Variants in TTC28 observed in about 807,000 individuals in gnomAD.
TTC28 encodes the protein tetratricopeptide repeat protein 28.
A neutral mutation model predicts 198.0 loss-of-function variants in TTC28; 61 were observed. The ratio of observed to expected loss-of-function variants is 0.31; its 90% CI spans 0.25 to 0.38. The LOEUF is 0.38. Among genes scored for constraint, TTC28 ranks in the 10% least tolerant of loss-of-function variants. The probability of loss-of-function intolerance (pLI) is 1.00; values close to 1 mark genes in which losing one functional copy is unlikely to be tolerated. For synonymous variants in TTC28, 1,171 were observed against 1,297.8 expected, an observed-to-expected ratio of 0.90 and a Z score of 2.10; for missense variants, 2,678 against 3,164.0, an observed-to-expected ratio of 0.85 and a Z score of 3.69.
At chr22:28,007,733 A>G (rs1477413304) in intron 14 of TTC28, 1 of 152,180 alleles carries the variant, frequency 6.6e-6, no homozygotes, top group African/African-American at 2.4e-5. Context: ...CTTGTTGAAC[A>G]CCAGCTAGAA....
chr22:28,606,111 T>A (rs1472190866), intron 2 of TTC28, among the ~76,000 whole-genome samples: 1 of 151,030 alleles, frequency 6.6e-6, no homozygotes, highest in African/African-American at 2.4e-5. Flanking sequence ...TGAGACGATA[T>A]CTCTCCCTGT....
rs2145734373 is a variant in TTC28, at chr22:28,280,922, GT to G, written c.933+15275del. 1.3e-5 allele frequency among the ~76,000 whole-genome samples: 2 copies of G among 151,920 alleles called. 1 individual carries two copies. Among genetic ancestry groups the G allele is most frequent in the South Asian group, 4.2e-4 (2 of 4,816 alleles). The stretch of plus-strand genomic sequence containing the variant: ...AGCACGCTGAAGATTTTCTCCCACT[GT>G]CTTCTGGTCTCCATTATTTCTGATA... On this transcript the variant is annotated intron_variant, in intron 5 of 22. Coordinates refer to ENST00000397906, the MANE Select transcript of TTC28 (RefSeq NM_001145418.2).
chr22:28,457,144 C>T lies in TTC28; in HGVS notation c.382-150501G>A, dbSNP rs184211585. ...TCACAGCACTCTATTCAGAACACCA[C>T]GGCCCTTGCAGTGTCTTGTTTGGAT... On this transcript the variant is annotated intron_variant, in intron 2 of 22. Coordinates refer to ENST00000397906, the MANE Select transcript of TTC28 (RefSeq NM_001145418.2). Among the ~76,000 whole-genome samples, 562 of 152,316 alleles carry T rather than the reference C, an allele frequency of 3.7e-3. 4 individuals are homozygous for T. The highest frequency in any genetic ancestry group is 0.012 in the African/African-American group (487 of 41,568).
intron 2 of TTC28, among the ~76,000 whole-genome samples, chr22:28,535,372 GGTAACCACA>G (rs1469800468): frequency 6.6e-6 from 1 of 152,116 alleles, no homozygotes; most frequent in East Asian, 1.9e-4. Context: ...TTCCTCCAAA[GGTAACCACA>G]GCACAGATTC....
chr22:28,469,385 C>A (rs916636203), intron 2 of TTC28, among the ~76,000 whole-genome samples: 1 of 152,010 alleles, frequency 6.6e-6, no homozygotes, highest in African/African-American at 2.4e-5. Flanking sequence ...AATAACAGCC[C>A]CCGAAGATAT....
intron 6 of TTC28, among the ~76,000 whole-genome samples, chr22:28,119,953 C>G (rs1279387847): frequency 6.6e-6 from 1 of 152,136 alleles, no homozygotes; most frequent in Non-Finnish European, 1.5e-5. Context: ...ACTGACTGAT[C>G]CTCCTCACCA....
At chr22:28,379,343 C>T (rs1461638635) in intron 2 of TTC28, among the ~76,000 whole-genome samples, 1 of 152,080 alleles carries the variant, frequency 6.6e-6, no homozygotes, top group Admixed American at 6.6e-5. Context: ...TCAAAGCTGC[C>T]TTATTCACAA....
At chr22:28,018,279 ATG>A (rs1222506396) in intron 13 of TTC28, among the ~76,000 whole-genome samples, 4 of 65,478 alleles carry the variant, frequency 6.1e-5, no homozygotes, top group Non-Finnish European at 1.1e-4. Flanking sequence ...GTGTGTGTGT[ATG>A]TGTGTGCGCG....
chr22:28,136,593 C>G (rs1009879967), intron 6 of TTC28, among the ~76,000 whole-genome samples: 7 of 152,188 alleles, frequency 4.6e-5, no homozygotes, highest in African/African-American at 1.7e-4. Context: ...AATCTAACTT[C>G]TCAAATAAGC....
At chr22:28,443,718 G>T (rs561233364) in intron 2 of TTC28, among the ~76,000 whole-genome samples, 1 of 152,172 alleles carries the variant, frequency 6.6e-6, no homozygotes, top group South Asian at 2.1e-4. Flanking sequence ...CAGAGCAAAC[G>T]GTTTCTGGGT....
chr22:28,545,165 G>A (rs1253693523), intron 2 of TTC28, among the ~76,000 whole-genome samples: 3 of 152,236 alleles, frequency 2.0e-5, no homozygotes, highest in East Asian at 3.9e-4. Flanking sequence ...TTCTCCTGAA[G>A]GTCAGGAACA....
intron 6 of TTC28, among the ~76,000 whole-genome samples, chr22:28,123,773 A>T (rs1483528044): frequency 6.6e-6 from 1 of 151,922 alleles, no homozygotes; most frequent in African/African-American, 2.4e-5. Context: ...GCTTGAGCTC[A>T]GGAGTTTGAG....
rs748350110 is a variant in TTC28 at position 28,107,111 on chromosome 22, G to C, written c.2734C>G (p.Arg912Gly). The change falls in exon 7 of 23, where the codon CGC (arginine) becomes GGC (glycine). Residue 912 changes from arginine to glycine, a missense_variant. Arg to Gly is a moderately radical substitution (Grantham distance 125). Coordinates refer to ENST00000397906, the MANE Select transcript of TTC28 (RefSeq NM_001145418.2). Reference protein sequence around the residue: ...QYLSVAQSLNRMQDQAKAYRG... With the variant: ...QYLSVAQSLNGMQDQAKAYRG... ...TAAGCCTTGGCTTGGTCTTGCATGC[G>C]ATTCAGACTCTGCGCGACAGATAAA... The C allele has an allele frequency of 5.2e-6, 8 of 1,551,504 alleles. No homozygotes were observed. The Admixed American group carries it at 7.8e-5, about 15-fold the overall frequency.
intron 5 of TTC28, among the ~76,000 whole-genome samples, chr22:28,282,873 G>A (rs760685960): frequency 5.3e-5 from 8 of 152,154 alleles, no homozygotes; most frequent in Non-Finnish European, 1.2e-4. Flanking sequence ...GCTGAGGGCA[G>A]AATGATTTGC....
At chr22:28,165,789 G>C (rs1330964010) in intron 5 of TTC28, among the ~76,000 whole-genome samples, 1 of 152,146 alleles carries the variant, frequency 6.6e-6, no homozygotes, top group Non-Finnish European at 1.5e-5. Context: ...AAAATAACCA[G>C]CTAGCATCAT....
chr22:28,091,756 A>G (rs1424567785), intron 12 of TTC28, among the ~76,000 whole-genome samples: 1 of 152,250 alleles, frequency 6.6e-6, no homozygotes, highest in Non-Finnish European at 1.5e-5. Flanking sequence ...ATCCTGATGA[A>G]TAAGGCAGAC....
intron 6 of TTC28, among the ~76,000 whole-genome samples, chr22:28,123,573 C>A (rs1281022415): frequency 1.3e-5 from 2 of 152,174 alleles, no homozygotes; most frequent in East Asian, 3.9e-4. Context: ...TGTATCAGTT[C>A]TTCTCAATTC....
intron 2 of TTC28, among the ~76,000 whole-genome samples, chr22:28,566,103 CT>C (rs1488937142): frequency 6.6e-6 from 1 of 150,914 alleles, no homozygotes; most frequent in Non-Finnish European, 1.5e-5. Flanking sequence ...GTCAATACCC[CT>C]GCTTTTGTAT....
At chr22:28,130,889 CT>C (rs1318962920) in intron 6 of TTC28, among the ~76,000 whole-genome samples, 1 of 152,154 alleles carries the variant, frequency 6.6e-6, no homozygotes, top group Non-Finnish European at 1.5e-5. Context: ...AGTTTAGATA[CT>C]TTTTTCCCAA....
Sources: gnomAD v4.1 joint callset for allele counts (sites outside exome capture counted in the v4.1 genomes callset) on GRCh38, gnomAD v4.1.1 for gene constraint, MANE v1.5 for transcripts, NCBI Gene and HGNC (gene_info 2026-07-23, HGNC 2026-07-21) for gene names.